NPAS3: variants seen among roughly 807,000 people sequenced by gnomAD.
NPAS3 encodes neuronal PAS domain protein 3.
In NPAS3, 14 loss-of-function variants were observed where a neutral mutation model predicts 73.1. The ratio of observed to expected loss-of-function variants is 0.19; its 90% CI spans 0.13 to 0.30. NPAS3 has a LOEUF of 0.30. Ranked by LOEUF, NPAS3 falls within the 10% of genes least tolerant of loss-of-function variation. The pLI, the probability that NPAS3 is intolerant of heterozygous loss-of-function variation, is 1.00. For missense variants in NPAS3, 1,096 were observed against 1,250.0 expected (o/e 0.88, Z 1.86); for synonymous variants, 620 against 541.5 (o/e 1.14, Z -2.01).
chr14:33,686,881 CTT>C (rs771363714), intron 6 of NPAS3, among the ~76,000 whole-genome samples: 1 of 152,132 alleles, frequency 6.6e-6, no homozygotes, highest in Non-Finnish European at 1.5e-5. Context: ...ACATAGGAAA[CTT>C]ATGTTCACTG....
At chr14:33,117,995 T>C (rs986614383) in intron 2 of NPAS3, among the ~76,000 whole-genome samples, 1 of 152,128 alleles carries the variant, frequency 6.6e-6, no homozygotes, top group Non-Finnish European at 1.5e-5. Context: ...AGGTGAGTAC[T>C]CTTCCATTAT....
At chr14:32,981,477 G>T (rs538095465) in intron 1 of NPAS3, among the ~76,000 whole-genome samples, 2 of 152,140 alleles carry the variant, frequency 1.3e-5, no homozygotes, top group African/African-American at 2.4e-5. Flanking sequence ...AACAAGCTAC[G>T]TATTAAGCAC....
intron 5 of NPAS3, among the ~76,000 whole-genome samples, chr14:33,580,680 T>C (rs2056629756): frequency 6.6e-6 from 1 of 152,180 alleles, no homozygotes; most frequent in African/African-American, 2.4e-5. Context: ...CAGCTCACTC[T>C]AAGTTTTCTT....
chr14:33,228,222 T>G (rs1292186540), intron 3 of NPAS3, among the ~76,000 whole-genome samples: 4 of 152,218 alleles, frequency 2.6e-5, no homozygotes, highest in Non-Finnish European at 4.4e-5. Context: ...CACAGTTTTT[T>G]GGGGGAATTC....
At chr14:33,169,111 A>T (rs2045287216) in intron 2 of NPAS3, among the ~76,000 whole-genome samples, 1 of 152,086 alleles carries the variant, frequency 6.6e-6, no homozygotes, top group African/African-American at 2.4e-5. Context: ...GATGACCTGG[A>T]TTTTCACTGT....
At chr14:33,690,654 C>T (rs1031505609) in intron 6 of NPAS3, among the ~76,000 whole-genome samples, 2 of 151,792 alleles carry the variant, frequency 1.3e-5, no homozygotes, top group Admixed American at 6.6e-5. Flanking sequence ...AGGCAGAAAC[C>T]CTAGTTTCTC....
intron 4 of NPAS3, among the ~76,000 whole-genome samples, chr14:33,496,470 A>C (rs1050207748): frequency 6.6e-6 from 1 of 152,178 alleles, no homozygotes; most frequent in Admixed American, 6.5e-5. Flanking sequence ...TGGCAAACCG[A>C]ATACAGCAGC....
At chr14:33,554,814 A>G (rs1344155381) in intron 4 of NPAS3, among the ~76,000 whole-genome samples, 1 of 152,232 alleles carries the variant, frequency 6.6e-6, no homozygotes, top group Non-Finnish European at 1.5e-5. Flanking sequence ...TTTGACAAAT[A>G]TAAATCCATT....
intron 3 of NPAS3, among the ~76,000 whole-genome samples, chr14:33,297,275 G>T (rs1367747724): frequency 1.3e-5 from 2 of 152,118 alleles, no homozygotes; most frequent in Non-Finnish European, 2.9e-5. Context: ...CTGGGTTGTT[G>T]TGAGTATTGC....
At chr14:33,090,166 A>G (rs1200454681) in intron 2 of NPAS3, among the ~76,000 whole-genome samples, 1 of 152,216 alleles carries the variant, frequency 6.6e-6, no homozygotes, top group African/African-American at 2.4e-5. Flanking sequence ...CTTAAATGTA[A>G]ATGGACTAAA....
intron 4 of NPAS3, among the ~76,000 whole-genome samples, chr14:33,519,262 T>A (rs2053451860): frequency 6.6e-6 from 1 of 152,156 alleles, no homozygotes; most frequent in Admixed American, 6.5e-5. Flanking sequence ...CTTCTCAGTA[T>A]CCTAGTCTGC....
rs184258137 is a variant in NPAS3 at position 33,005,651 on chromosome 14, G to T, written c.51-50254G>T. ...ACCCTTTAGTTTAGAGTCAGACTGGGGTCGAAGGGGGGAGTTGTTCCAAAT... is the reference window on the plus strand; with the variant it reads ...ACCCTTTAGTTTAGAGTCAGACTGGTGTCGAAGGGGGGAGTTGTTCCAAAT... On this transcript the variant is annotated intron_variant, in intron 1 of 11. Coordinates refer to ENST00000356141, the Ensembl canonical transcript of NPAS3. Among the ~76,000 whole-genome samples, 85 of 152,254 alleles carry T rather than the reference G, an allele frequency of 5.6e-4. 1 individual carries two copies. Among genetic ancestry groups the T allele is most frequent in the South Asian group, 2.3e-3 (11 of 4,826 alleles).
rs147455587 is a variant in NPAS3 at position 33,775,200 on chromosome 14, T to A, written c.1046+670T>A. Among the ~76,000 whole-genome samples the A allele has an allele frequency of 1.8e-4, 27 of 152,264 alleles. 1 individual carries two copies. Among genetic ancestry groups the A allele is most frequent in the African/African-American group, 6.3e-4 (26 of 41,556 alleles). On this transcript the variant is annotated intron_variant, in intron 8 of 11. Coordinates refer to ENST00000356141, the Ensembl canonical transcript of NPAS3. The stretch of plus-strand genomic sequence containing the variant: ...AATGGGACATTGCCCCTTCAGACCT[T>A]TCACCTAGAAGTCAGCAGCCCCTTA...
intron 4 of NPAS3, among the ~76,000 whole-genome samples, chr14:33,385,615 C>T (rs1317851445): frequency 6.6e-6 from 1 of 152,134 alleles, no homozygotes; most frequent in Non-Finnish European, 1.5e-5. Flanking sequence ...GAAGTCTAGG[C>T]AGTGCCAGTG....
chr14:33,369,715 C>A (rs2046003952), intron 4 of NPAS3, among the ~76,000 whole-genome samples: 1 of 152,100 alleles, frequency 6.6e-6, no homozygotes, highest in African/African-American at 2.4e-5. Flanking sequence ...AGTGGAAGAA[C>A]TACTACATAG....
rs75629405 is a variant in NPAS3, at chr14:33,244,138, T to TAA, written c.385+28725_385+28726dup. On this transcript the variant is annotated intron_variant, in intron 3 of 11. Coordinates refer to ENST00000356141, the Ensembl canonical transcript of NPAS3. Reference sequence around the variant, plus strand: ...CAATTTTATTGATATCTACATTTGTTAAAAAAAAAAAAAACTATGCACCAA... The same window carrying TAA: ...CAATTTTATTGATATCTACATTTGTTAAAAAAAAAAAAAAAACTATGCACCAA... Among the ~76,000 whole-genome samples, 404 of 142,446 alleles carry TAA rather than the reference T, an allele frequency of 2.8e-3. 1 individual carries two copies. The highest frequency in any genetic ancestry group is 3.8e-3 in the Non-Finnish European group (245 of 64,726). 93.5% of individuals were successfully genotyped at this position (142,446 alleles called of 152,430 possible).
At chr14:33,557,920 G>T (rs557571660) in intron 4 of NPAS3, among the ~76,000 whole-genome samples, 11 of 152,166 alleles carry the variant, frequency 7.2e-5, no homozygotes, top group Admixed American at 3.9e-4. Context: ...AGTGAGCTGC[G>T]GTCTCGCTAC....
At chr14:33,136,228 T>G (rs972238028) in intron 2 of NPAS3, among the ~76,000 whole-genome samples, 9 of 151,868 alleles carry the variant, frequency 5.9e-5, no homozygotes, top group African/African-American at 1.5e-4. Flanking sequence ...GCCCAGCTAA[T>G]TTTTATATTT....
chr14:33,563,565 G>GAGAGAGGA (rs10688249), intron 5 of NPAS3, among the ~76,000 whole-genome samples: 3 of 144,428 alleles, frequency 2.1e-5, no homozygotes, highest in African/African-American at 8.0e-5. Flanking sequence ...GAGAGAGAGA[G>GAGAGAGGA]GAGAGATGTA....
Sources: gnomAD v4.1 joint callset for allele counts (sites outside exome capture counted in the v4.1 genomes callset) on GRCh38, gnomAD v4.1.1 for gene constraint, MANE v1.5 for transcripts, NCBI Gene and HGNC (gene_info 2026-07-23, HGNC 2026-07-21) for gene names.